Variants in SGCZ observed in about 807,000 individuals in gnomAD.
SGCZ encodes the protein zeta-sarcoglycan.
In SGCZ, 40 loss-of-function variants were observed where a neutral mutation model predicts 41.3. The ratio of observed to expected loss-of-function variants is 0.97; its 90% confidence interval spans 0.75 to 1.26. The LOEUF (loss-of-function observed/expected upper bound fraction) is 1.26, where lower values mean the gene tolerates loss of function less well. Ranked by LOEUF, SGCZ falls within the 50% of genes most tolerant of loss-of-function variation. The pLI is 0.00. For synonymous variants in SGCZ, 206 were observed against 137.5 expected, an observed-to-expected ratio of 1.50 and a Z score of -3.49; for missense variants, 552 against 369.8, an observed-to-expected ratio of 1.49 and a Z score of -4.04.
intron 1 of SGCZ, among the ~76,000 whole-genome samples, chr8:15,074,472 CTTAGTCTT>C (rs1805461478): frequency 6.6e-6 from 1 of 152,110 alleles, no homozygotes; most frequent in Admixed American, 6.6e-5. Context: ...GTTTATTCTC[CTTAGTCTT>C]TTAAAGTAAA....
chr8:14,786,528 T>C (rs1006762242), intron 1 of SGCZ, among the ~76,000 whole-genome samples: 4 of 151,798 alleles, frequency 2.6e-5, no homozygotes. Context: ...AATGTAGCAC[T>C]TTTCAATACT....
At chr8:14,757,572 T>C (rs1327441937) in intron 1 of SGCZ, among the ~76,000 whole-genome samples, 1 of 152,158 alleles carries the variant, frequency 6.6e-6, no homozygotes, top group Non-Finnish European at 1.5e-5. Context: ...TATGGTTGCC[T>C]GGTACATAAA....
At chr8:15,090,361 C>A (rs1020913415) in intron 1 of SGCZ, among the ~76,000 whole-genome samples, 3 of 152,164 alleles carry the variant, frequency 2.0e-5, no homozygotes, top group Admixed American at 6.5e-5. Context: ...GGTTTCTGAG[C>A]CTAATACCTA....
intron 1 of SGCZ, among the ~76,000 whole-genome samples, chr8:15,157,390 G>C (rs1799364485): frequency 6.6e-6 from 1 of 151,590 alleles, no homozygotes; most frequent in Non-Finnish European, 1.5e-5. Context: ...CTGTACTCTA[G>C]GCTGGGTGAC....
intron 1 of SGCZ, among the ~76,000 whole-genome samples, chr8:14,614,985 T>C (rs1057118706): frequency 2.2e-5 from 3 of 133,418 alleles, no homozygotes; most frequent in Non-Finnish European, 3.3e-5. Context: ...TACACACATA[T>C]GTGTGTGTAT....
intron 3 of SGCZ, among the ~76,000 whole-genome samples, chr8:14,250,146 T>G (rs538402275): frequency 6.6e-6 from 1 of 152,224 alleles, no homozygotes; most frequent in African/African-American, 2.4e-5. Context: ...AGAATGACTC[T>G]AACAGCCCAG....
chr8:14,253,112 T>G (rs1258639346), intron 3 of SGCZ, among the ~76,000 whole-genome samples: 2 of 152,000 alleles, frequency 1.3e-5, no homozygotes. Flanking sequence ...TGAGAAGAAG[T>G]AAATATAGAA....
At chr8:14,984,413 A>C (rs1248678335) in intron 1 of SGCZ, among the ~76,000 whole-genome samples, 1 of 152,208 alleles carries the variant, frequency 6.6e-6, no homozygotes, top group Non-Finnish European at 1.5e-5. Context: ...GTTTTAAACC[A>C]AATAAAAATT....
chr8:14,501,107 A>G (rs1802139850), intron 2 of SGCZ, among the ~76,000 whole-genome samples: 1 of 152,014 alleles, frequency 6.6e-6, no homozygotes, highest in African/African-American at 2.4e-5. Flanking sequence ...TGGGGAGAAT[A>G]GGTGACCTTG....
intron 1 of SGCZ, among the ~76,000 whole-genome samples, chr8:15,127,957 G>C (rs186270732): frequency 7.9e-5 from 12 of 152,158 alleles, no homozygotes; most frequent in African/African-American, 2.9e-4. Context: ...TGAGACTCAG[G>C]ATGCTGACCT....
chr8:14,924,923 T>C (rs1257576157), intron 1 of SGCZ, among the ~76,000 whole-genome samples: 1 of 147,790 alleles, frequency 6.8e-6, no homozygotes, highest in African/African-American at 2.5e-5. Context: ...AATGTCGCCA[T>C]CTCAGCTCAC....
intron 1 of SGCZ, among the ~76,000 whole-genome samples, chr8:14,757,660 C>T (rs562574035): frequency 3.9e-5 from 6 of 152,170 alleles, no homozygotes; most frequent in African/African-American, 1.2e-4. Flanking sequence ...ACAACTCTTT[C>T]GGTTTCACAG....
chr8:14,842,414 A>C (rs1181419413), intron 1 of SGCZ, among the ~76,000 whole-genome samples: 2 of 151,368 alleles, frequency 1.3e-5, no homozygotes, highest in Admixed American at 6.6e-5. Flanking sequence ...GAAACAAGAA[A>C]GGATGGAAAG....
At chr8:14,685,571 C>G (rs1305665456) in intron 1 of SGCZ, among the ~76,000 whole-genome samples, 3 of 152,038 alleles carry the variant, frequency 2.0e-5, no homozygotes, top group Non-Finnish European at 1.5e-5. Context: ...TCCAGTAAGG[C>G]AATACCCAGT....
intron 1 of SGCZ, among the ~76,000 whole-genome samples, chr8:14,806,096 T>TTTATAGCA (rs1801516739): frequency 6.6e-6 from 1 of 151,200 alleles, no homozygotes; most frequent in East Asian, 2.0e-4. Flanking sequence ...TAGAGGGAAA[T>TTTATAGCA]TTATAGCACT....
chr8:14,672,424 C>G (rs1353196542), intron 1 of SGCZ, among the ~76,000 whole-genome samples: 1 of 152,014 alleles, frequency 6.6e-6, no homozygotes, highest in Non-Finnish European at 1.5e-5. Context: ...AGGAATCAAG[C>G]TGGTGGTTGT....
At position 15,195,215 on chromosome 8, in the gene SGCZ, C is replaced by G. The variant is rs906009294; in HGVS notation, c.39+42370G>C. ...TCCTACGAATCATTTTCCGGGTACC[C>G]TGCAGTTTTCTTGGCCCAGTGTAGA... is the stretch of plus-strand genomic sequence containing the variant. On this transcript the variant is annotated intron_variant, in intron 1 of 7. Coordinates refer to ENST00000382080, the MANE Select transcript of SGCZ (RefSeq NM_139167.4). 5.9e-5 allele frequency among the ~76,000 whole-genome samples: 9 copies of G among 152,248 alleles called. No homozygotes were observed. In the East Asian group the frequency reaches 1.5e-3, roughly 26 times the overall value.
intron 4 of SGCZ, among the ~76,000 whole-genome samples, chr8:14,194,194 T>C (rs1001231836): frequency 6.6e-6 from 1 of 151,946 alleles, no homozygotes; most frequent in Admixed American, 6.6e-5. Context: ...GTAAATATTA[T>C]CTTAGACTGT....
At chr8:15,157,413 T>C (rs777146606) in intron 1 of SGCZ, among the ~76,000 whole-genome samples, 18 of 149,820 alleles carry the variant, frequency 1.2e-4, no homozygotes, top group Non-Finnish European at 1.9e-4. Flanking sequence ...AGCAAGACCG[T>C]CTCTTAAGGG....
Sources: gnomAD v4.1 joint callset for allele counts (sites outside exome capture counted in the v4.1 genomes callset) on GRCh38, gnomAD v4.1.1 for gene constraint, MANE v1.5 for transcripts, NCBI Gene and HGNC (gene_info 2026-07-23, HGNC 2026-07-21) for gene names.